Variants in SEMA6D observed in about 807,000 individuals in gnomAD.
SEMA6D encodes semaphorin 6D, also known as semaphorin-6D.
SEMA6D carries 35 observed loss-of-function variants against 106.6 expected under a neutral mutation model. The ratio of observed to expected loss-of-function variants is 0.33; its 90% CI spans 0.25 to 0.44. The LOEUF is 0.44. SEMA6D is among the 20% of genes least tolerant of loss of function. The probability of loss-of-function intolerance (pLI) is 1.00; values close to 1 mark genes in which losing one functional copy is unlikely to be tolerated. For synonymous variants in SEMA6D, 499 were observed against 487.7 expected, an observed-to-expected ratio of 1.02 and a Z score of -0.31; for missense variants, 1,185 against 1,345.9, an observed-to-expected ratio of 0.88 and a Z score of 1.87.
chr15:47,390,308 C>A (rs1000054327), intron 1 of SEMA6D, among the ~76,000 whole-genome samples: 1 of 151,994 alleles, frequency 6.6e-6, no homozygotes, highest in African/African-American at 2.4e-5. Flanking sequence ...ACATTTTAAA[C>A]CTCTTCTTCT....
At chr15:47,275,950 T>C (rs1325151962) in intron 1 of SEMA6D, among the ~76,000 whole-genome samples, 1 of 152,112 alleles carries the variant, frequency 6.6e-6, no homozygotes, top group Non-Finnish European at 1.5e-5. Flanking sequence ...ATGAATGATA[T>C]GAAAGCGAAA....
intron 1 of SEMA6D, among the ~76,000 whole-genome samples, chr15:47,316,361 G>A (rs1248199957): frequency 2.6e-5 from 4 of 151,844 alleles, no homozygotes; most frequent in Admixed American, 2.0e-4. Context: ...CAAAGTGCTG[G>A]GATTACATGC....
At chr15:47,597,515 C>CT (rs1375693350) in intron 3 of SEMA6D, among the ~76,000 whole-genome samples, 2 of 151,946 alleles carry the variant, frequency 1.3e-5, no homozygotes. Flanking sequence ...TATATATACA[C>CT]AATGGAATAC....
chr15:47,716,421 C>G (rs752077951), upstream of SEMA6D, among the ~76,000 whole-genome samples: 2 of 152,144 alleles, frequency 1.3e-5, no homozygotes, highest in Non-Finnish European at 2.9e-5. Flanking sequence ...AAGCAGGAAC[C>G]ATTGAGGAAA....
chr15:47,336,356 T>A (rs550350393), intron 1 of SEMA6D, among the ~76,000 whole-genome samples: 1 of 152,238 alleles, frequency 6.6e-6, no homozygotes, highest in African/African-American at 2.4e-5. Flanking sequence ...ATTGCCCAAG[T>A]CCACATAGTG....
chr15:47,461,100 T>C (rs1168851950), intron 2 of SEMA6D, among the ~76,000 whole-genome samples: 1 of 152,156 alleles, frequency 6.6e-6, no homozygotes, highest in South Asian at 2.1e-4. Flanking sequence ...TTGTACTTGC[T>C]CTTGTCTCAG....
At chr15:47,470,875 G>A (rs73388931) in intron 3 of SEMA6D, among the ~76,000 whole-genome samples, 6,755 of 152,132 alleles carry the variant, frequency 0.044, 401 homozygotes, top group African/African-American at 0.14. Flanking sequence ...ATCATAACCT[G>A]GGTCAGTGAG....
chr15:47,751,124 A>G (rs1399813862), intron 1 of SEMA6D, among the ~76,000 whole-genome samples: 1 of 151,798 alleles, frequency 6.6e-6, no homozygotes, highest in African/African-American at 2.4e-5. Context: ...AATTCAGTGG[A>G]GATGACCTTC....
chr15:47,658,463 A>G (rs2077848675), intron 4 of SEMA6D, among the ~76,000 whole-genome samples: 1 of 152,238 alleles, frequency 6.6e-6, no homozygotes, highest in Admixed American at 6.5e-5. Context: ...TTTCAAAAAT[A>G]TTAAAATGTG....
intron 4 of SEMA6D, among the ~76,000 whole-genome samples, chr15:47,680,788 A>G (rs2145578839): frequency 6.6e-6 from 1 of 152,368 alleles, no homozygotes; most frequent in East Asian, 1.9e-4. Flanking sequence ...GGACTTGAAT[A>G]GACATTTCAC....
chr15:47,531,372 A>G (rs562976976), intron 3 of SEMA6D, among the ~76,000 whole-genome samples: 44 of 152,374 alleles, frequency 2.9e-4, no homozygotes, highest in African/African-American at 1.0e-3. Context: ...CTCCATATGC[A>G]TAAACAAATT....
chr15:47,547,424 C>A (rs2045558227), intron 3 of SEMA6D, among the ~76,000 whole-genome samples: 1 of 152,120 alleles, frequency 6.6e-6, no homozygotes, highest in African/African-American at 2.4e-5. Flanking sequence ...AAATGTCTTG[C>A]TTTTCAACTT....
chr15:47,487,237 C>T (rs2043323249), intron 3 of SEMA6D, among the ~76,000 whole-genome samples: 1 of 152,212 alleles, frequency 6.6e-6, no homozygotes, highest in East Asian at 1.9e-4. Context: ...ATCGGCATCC[C>T]CATAAGAACC....
intron 1 of SEMA6D, among the ~76,000 whole-genome samples, chr15:47,380,301 C>G (rs868823278): frequency 1.7e-4 from 26 of 152,192 alleles, no homozygotes; most frequent in Non-Finnish European, 2.1e-4. Flanking sequence ...TCTAATGACT[C>G]TTTTGCATTA....
intron 4 of SEMA6D, among the ~76,000 whole-genome samples, chr15:47,697,613 C>T (rs569847237): frequency 6.6e-6 from 1 of 152,262 alleles, no homozygotes; most frequent in South Asian, 2.1e-4. Flanking sequence ...AATCAAACTC[C>T]AAAACCCTTT....
At chr15:47,208,701 A>G (rs771407404) in intron 1 of SEMA6D, among the ~76,000 whole-genome samples, 3 of 152,198 alleles carry the variant, frequency 2.0e-5, no homozygotes, top group Admixed American at 6.5e-5. Context: ...ATAATGTTCA[A>G]TTATATTTGA....
At chr15:47,433,518 CA>C (rs2041605681) in intron 2 of SEMA6D, among the ~76,000 whole-genome samples, 1 of 151,958 alleles carries the variant, frequency 6.6e-6, no homozygotes, top group Admixed American at 6.6e-5. Flanking sequence ...TTTTAGATTT[CA>C]ATAAAAATTG....
At chr15:47,561,168 C>T (rs2046069664) in intron 3 of SEMA6D, among the ~76,000 whole-genome samples, 1 of 151,860 alleles carries the variant, frequency 6.6e-6, no homozygotes, top group African/African-American at 2.4e-5. Flanking sequence ...CAGAAATACT[C>T]AAGGAGATTC....
intron 1 of SEMA6D, among the ~76,000 whole-genome samples, chr15:47,752,440 G>A (rs1383116147): frequency 6.6e-6 from 1 of 152,162 alleles, no homozygotes; most frequent in Non-Finnish European, 1.5e-5. Context: ...GTAGAAGAAT[G>A]AGCAGGAGGT....
Sources: allele counts gnomAD v4.1 joint callset (sites outside exome capture counted in the v4.1 genomes callset), GRCh38; gene constraint gnomAD v4.1.1; transcripts MANE v1.5; gene names NCBI Gene and HGNC (gene_info 2026-07-23, HGNC 2026-07-21).